The following ACTR3B variants were observed in gnomAD, a reference collection of about 807,000 sequenced individuals.
ACTR3B encodes actin related protein 3B.
A neutral mutation model predicts 59.0 loss-of-function variants in ACTR3B; 8 were observed. The observed-to-expected ratio is 0.14, with a 90% CI of 0.08 to 0.24. The LOEUF (loss-of-function observed/expected upper bound fraction) is 0.24, where lower values mean the gene tolerates loss of function less well. ACTR3B is among the 10% of genes least tolerant of loss of function. The pLI is 1.00. For missense variants in ACTR3B, 245 were observed against 552.3 expected (o/e 0.44, Z 5.58); for synonymous variants, 148 against 197.9 (o/e 0.75, Z 2.12).
chr7:152,798,658 T>G (rs928422684), intron 2 of ACTR3B, among the ~76,000 whole-genome samples: 1 of 152,246 alleles, frequency 6.6e-6, no homozygotes, highest in Non-Finnish European at 1.5e-5. Context: ...CAGTTTCAGG[T>G]CTTACATTGA....
intron 2 of ACTR3B, among the ~76,000 whole-genome samples, chr7:152,795,251 TG>T (rs1021536973): frequency 1.3e-5 from 2 of 152,224 alleles, no homozygotes; most frequent in African/African-American, 4.8e-5. Flanking sequence ...TTCACCATGT[TG>T]GCCAGGGTGG....
intron 1 of ACTR3B, among the ~76,000 whole-genome samples, chr7:152,778,743 C>T (rs1245730262): frequency 6.6e-6 from 1 of 150,828 alleles, no homozygotes; most frequent in Non-Finnish European, 1.5e-5. Flanking sequence ...AGTTTGAGAC[C>T]AATCTGGGCA....
intron 2 of ACTR3B, among the ~76,000 whole-genome samples, chr7:152,792,426 C>G (rs2098199713): frequency 6.6e-6 from 1 of 151,710 alleles, no homozygotes; most frequent in South Asian, 2.1e-4. Flanking sequence ...TTTAGCCATT[C>G]TTTTTAATAT....
At chr7:152,801,068 C>T (rs1431956658) in intron 3 of ACTR3B, among the ~76,000 whole-genome samples, 2 of 152,282 alleles carry the variant, frequency 1.3e-5, no homozygotes, top group Non-Finnish European at 2.9e-5. Flanking sequence ...TCTATCGGTT[C>T]CTCATTGTAT....
chr7:152,759,871 C>T lies in ACTR3B; in HGVS notation c.-12C>T, dbSNP rs1262525171. The T allele has an allele frequency of 3.0e-6, 4 of 1,321,608 alleles. No individual in the cohort carries two copies. The highest frequency in any genetic ancestry group is 3.9e-6 in the Non-Finnish European group (4 of 1,026,912). 81.9% of individuals were successfully genotyped at this position (1,321,608 alleles called of 1,614,324 possible). Reference sequence around the variant, plus strand: ...GGGCTGCCGGCGGGGCCGAGCGCCGCGCGTCCCGAGCATGGCAGGCTCCCT... The same window carrying T: ...GGGCTGCCGGCGGGGCCGAGCGCCGTGCGTCCCGAGCATGGCAGGCTCCCT... On this transcript the variant is annotated 5_prime_UTR_variant, in exon 1 of 12. Coordinates refer to ENST00000256001, the MANE Select transcript of ACTR3B (RefSeq NM_020445.6).
intron 4 of ACTR3B, among the ~76,000 whole-genome samples, chr7:152,806,524 C>T (rs899925404): frequency 6.6e-6 from 1 of 152,128 alleles, no homozygotes; most frequent in Admixed American, 6.5e-5. Flanking sequence ...TATGGCAGCT[C>T]TCTGGTGTGG....
At chr7:152,773,941 C>T (rs372049390) in intron 1 of ACTR3B, among the ~76,000 whole-genome samples, 2 of 152,140 alleles carry the variant, frequency 1.3e-5, no homozygotes, top group East Asian at 3.9e-4. Context: ...CCACAGGTAC[C>T]TGGGCACCAA....
At chr7:152,773,169 C>A (rs1333793012) in intron 1 of ACTR3B, among the ~76,000 whole-genome samples, 1 of 147,142 alleles carries the variant, frequency 6.8e-6, no homozygotes, top group African/African-American at 2.5e-5. Flanking sequence ...AAGACTGTTG[C>A]ACCTGAGATG....
At chr7:152,789,632 A>C (rs1458160313) in intron 2 of ACTR3B, among the ~76,000 whole-genome samples, 1 of 151,298 alleles carries the variant, frequency 6.6e-6, no homozygotes, top group Non-Finnish European at 1.5e-5. Flanking sequence ...TATGCAGACT[A>C]TTGTATTGCC....
chr7:152,843,383 A>G lies in ACTR3B; in HGVS notation c.952-8743A>G, dbSNP rs1798020312. Among the ~76,000 whole-genome samples the G allele has an allele frequency of 2.0e-5, 3 of 152,358 alleles. No homozygotes were observed. The South Asian group carries it at 6.2e-4, about 32-fold the overall frequency. ...GTATATGAAATGAGAAAGTAAATAA[A>G]TGTTCATCCTCTCACTCCATGGATA... On this transcript the variant is annotated intron_variant, in intron 9 of 11. Transcript: ENST00000256001.
At chr7:152,769,869 T>TA (rs5888484) in intron 1 of ACTR3B, among the ~76,000 whole-genome samples, 3,412 of 139,452 alleles carry the variant, frequency 0.024, 118 homozygotes, top group African/African-American at 0.08. Context: ...ATCTGATTTG[T>TA]AAAAAAAAAA....
At chr7:152,828,374 G>A (rs1796748852) in intron 9 of ACTR3B, among the ~76,000 whole-genome samples, 1 of 152,302 alleles carries the variant, frequency 6.6e-6, no homozygotes, top group Middle Eastern at 3.4e-3. Flanking sequence ...CTCTCGCTGT[G>A]TGGGATGGAG....
At chr7:152,803,279 C>T (rs552248194) in intron 4 of ACTR3B, among the ~76,000 whole-genome samples, 1 of 152,276 alleles carries the variant, frequency 6.6e-6, no homozygotes, top group Admixed American at 6.5e-5. Flanking sequence ...AACTCCTGGG[C>T]TTAAGTGATC....
intron 4 of ACTR3B, among the ~76,000 whole-genome samples, chr7:152,810,006 A>G (rs1292638723): frequency 6.6e-6 from 1 of 152,154 alleles, no homozygotes; most frequent in African/African-American, 2.4e-5. Flanking sequence ...AATGTTAACT[A>G]TATTCACACT....
intron 9 of ACTR3B, among the ~76,000 whole-genome samples, chr7:152,825,990 A>G (rs1251106118): frequency 2.0e-5 from 3 of 152,186 alleles, no homozygotes; most frequent in Non-Finnish European, 4.4e-5. Context: ...GTGATGGGCA[A>G]TTAGCCTTCC....
intron 1 of ACTR3B, among the ~76,000 whole-genome samples, chr7:152,774,406 G>A (rs1244254725): frequency 6.6e-6 from 1 of 152,056 alleles, no homozygotes; most frequent in African/African-American, 2.4e-5. Flanking sequence ...GAAGTATTGG[G>A]ATTACAGGTG....
intron 2 of ACTR3B, among the ~76,000 whole-genome samples, chr7:152,787,605 C>T (rs2098178915): frequency 6.6e-6 from 1 of 151,928 alleles, no homozygotes; most frequent in South Asian, 2.1e-4. Context: ...ATTTTGTTTT[C>T]CATGCGGAAG....
intron 4 of ACTR3B, among the ~76,000 whole-genome samples, chr7:152,808,534 T>C (rs1440860781): frequency 6.6e-6 from 1 of 152,056 alleles, no homozygotes; most frequent in Non-Finnish European, 1.5e-5. Context: ...TTCTTGTTGG[T>C]GATGTCTTCC....
At chr7:152,805,676 A>G (rs1241727753) in intron 4 of ACTR3B, among the ~76,000 whole-genome samples, 3 of 151,988 alleles carry the variant, frequency 2.0e-5, no homozygotes, top group Non-Finnish European at 4.4e-5. Flanking sequence ...GAATGGTTAG[A>G]CCTGCCTTGT....
Sources: gnomAD v4.1 joint callset for allele counts (sites outside exome capture counted in the v4.1 genomes callset) on GRCh38, gnomAD v4.1.1 for gene constraint, MANE v1.5 for transcripts, NCBI Gene and HGNC (gene_info 2026-07-23, HGNC 2026-07-21) for gene names.